PDE10A: variants seen among roughly 807,000 people sequenced by gnomAD.
The protein encoded by PDE10A is cAMP and cAMP-inhibited cGMP 3',5'-cyclic phosphodiesterase 10A.
PDE10A carries 39 observed loss-of-function variants against 97.7 expected under a neutral mutation model. The observed-to-expected ratio is 0.40, with a 90% confidence interval of 0.31 to 0.52. The LOEUF is 0.52. Ranked by LOEUF, PDE10A falls within the 20% of genes least tolerant of loss-of-function variation. PDE10A has a pLI of 0.56. For missense variants in PDE10A, 731 were observed against 1,047.8 expected (o/e 0.70, Z 4.17); for synonymous variants, 371 against 376.8 (o/e 0.98, Z 0.18).
intron 1 of PDE10A, among the ~76,000 whole-genome samples, chr6:165,872,023 G>A (rs999891265): frequency 3.3e-5 from 5 of 152,088 alleles, no homozygotes; most frequent in African/African-American, 9.7e-5. Flanking sequence ...TGTCAGAAGC[G>A]TTGCCTTGTT....
intron 1 of PDE10A, among the ~76,000 whole-genome samples, chr6:165,894,883 G>T (rs1781904128): frequency 6.6e-6 from 1 of 152,170 alleles, no homozygotes; most frequent in African/African-American, 2.4e-5. Flanking sequence ...CTCTCAACCT[G>T]GGGTAAGTAT....
At chr6:165,656,811 T>G (rs138718925) in intron 1 of PDE10A, among the ~76,000 whole-genome samples, 374 of 152,312 alleles carry the variant, frequency 2.5e-3, no homozygotes, top group African/African-American at 8.7e-3. Flanking sequence ...TCTCACTGTC[T>G]GCAGAGCGCC....
intron 1 of PDE10A, among the ~76,000 whole-genome samples, chr6:165,751,360 C>T (rs965666979): frequency 3.3e-5 from 5 of 152,158 alleles, no homozygotes; most frequent in East Asian, 3.9e-4. Context: ...TCCAGGAGAG[C>T]GTATCTGTGT....
chr6:165,706,158 GGAAAAAGAT>G (rs916708022), intron 1 of PDE10A, among the ~76,000 whole-genome samples: 25 of 152,186 alleles, frequency 1.6e-4, no homozygotes, highest in Non-Finnish European at 1.5e-5. Context: ...TTGCAGTGCG[GGAAAAAGAT>G]GATCTGAGAG....
intron 10 of PDE10A, among the ~76,000 whole-genome samples, chr6:165,424,017 C>T (rs1251029745): frequency 6.6e-6 from 1 of 152,116 alleles, no homozygotes; most frequent in Non-Finnish European, 1.5e-5. Flanking sequence ...GCTTACAAGC[C>T]TTAATTAAAA....
Position 165,430,112 on chromosome 6 carries a change from G to A in PDE10A, c.1601+175C>T, listed in dbSNP as rs138103815. ...TGCAATCCTTCACTTTAGAGTGAAC[G>A]TGAATGAGAATATAACTCTACAATC... On this transcript the variant is annotated intron_variant, in intron 9 of 21. Coordinates refer to ENST00000539869, the MANE Select transcript of PDE10A (RefSeq NM_001385079.1). Among the ~76,000 whole-genome samples the A allele has an allele frequency of 5.3e-3, 806 of 152,090 alleles. 4 individuals carry two copies. The highest frequency in any genetic ancestry group is 0.018 in the African/African-American group (763 of 41,488).
In PDE10A at chr6:165,974,859, C is replaced by T. The variant is rs78983730; in HGVS notation, c.-615+12670G>A. 5.4e-4 allele frequency among the ~76,000 whole-genome samples: 83 copies of T among 152,326 alleles called. 3 individuals carry two copies. The East Asian group carries it at 0.015, about 28-fold the overall frequency. ...GGCAGGAGGAACAGAGGGTGACTGT[C>T]GTGCCTCTCTGCACAGTTTTCTCTT... is the stretch of plus-strand genomic sequence containing the variant. On this transcript the variant is annotated intron_variant, in intron 1 of 19. Transcript: ENST00000366882.
Position 165,640,252 on chromosome 6 carries a change from A to T in PDE10A, c.865+21695T>A, listed in dbSNP as rs556118443. On this transcript the variant is annotated intron_variant, in intron 1 of 21. Coordinates refer to ENST00000539869, the MANE Select transcript of PDE10A (RefSeq NM_001385079.1). ...GTTTCTATTTACCAGTGTTTTAAAA[A>T]TTTTTTAAAAATTGCCTGCCTTTCT... Among the ~76,000 whole-genome samples the T allele has an allele frequency of 8.5e-5, 13 of 152,204 alleles. No homozygotes were observed. The East Asian group carries it at 2.3e-3, about 27-fold the overall frequency.
At chr6:165,495,609 T>C (rs763914404) in intron 2 of PDE10A, among the ~76,000 whole-genome samples, 9 of 152,184 alleles carry the variant, frequency 5.9e-5, no homozygotes, top group Non-Finnish European at 1.2e-4. Context: ...AATTAATACA[T>C]TGTTATTTAA....
chr6:165,829,448 G>T (rs576799064), intron 1 of PDE10A, among the ~76,000 whole-genome samples: 1 of 152,340 alleles, frequency 6.6e-6, no homozygotes, highest in South Asian at 2.1e-4. Context: ...AACCTTAATT[G>T]GTTCCAGCAG....
chr6:165,386,136 T>A (rs2128211386), intron 17 of PDE10A, among the ~76,000 whole-genome samples: 1 of 152,232 alleles, frequency 6.6e-6, no homozygotes, highest in Non-Finnish European at 1.5e-5. Flanking sequence ...CCTTAAGTAA[T>A]CTGCAAGCCC....
At chr6:165,929,720 G>A (rs139514369) in intron 1 of PDE10A, among the ~76,000 whole-genome samples, 6 of 152,316 alleles carry the variant, frequency 3.9e-5, no homozygotes, top group African/African-American at 7.2e-5. Flanking sequence ...CCATGACCGC[G>A]TCCCCACAAG....
At chr6:165,595,267 C>T (rs1238874985) in intron 1 of PDE10A, among the ~76,000 whole-genome samples, 4 of 152,188 alleles carry the variant, frequency 2.6e-5, no homozygotes, top group Admixed American at 2.6e-4. Flanking sequence ...GTCAAACTAA[C>T]CTGCCACCTG....
chr6:165,540,586 G>C (rs1287229889), intron 2 of PDE10A, among the ~76,000 whole-genome samples: 5 of 152,100 alleles, frequency 3.3e-5, no homozygotes, highest in Non-Finnish European at 7.4e-5. Context: ...TCCTCAAAAA[G>C]TTTTCGGTGA....
At chr6:165,604,860 C>T (rs151319362) in intron 1 of PDE10A, among the ~76,000 whole-genome samples, 2 of 152,282 alleles carry the variant, frequency 1.3e-5, no homozygotes, top group Admixed American at 1.3e-4. Flanking sequence ...AATTTCTTAG[C>T]TTACTTTGAA....
At chr6:165,826,484 C>CATCCCTCTGTCCGT (rs1554328571) in intron 1 of PDE10A, among the ~76,000 whole-genome samples, 2 of 150,252 alleles carry the variant, frequency 1.3e-5, no homozygotes, top group African/African-American at 2.5e-5. Context: ...CCTGTCCCCA[C>CATCCCTCTGTCCGT]GTCCCTCTGT....
At chr6:165,801,341 T>C (rs974058373) in intron 1 of PDE10A, among the ~76,000 whole-genome samples, 1 of 152,182 alleles carries the variant, frequency 6.6e-6, no homozygotes, top group African/African-American at 2.4e-5. Flanking sequence ...GGACAGGAGT[T>C]TGAGACCAGC....
intron 1 of PDE10A, among the ~76,000 whole-genome samples, chr6:165,841,062 A>C (rs1309327436): frequency 2.0e-5 from 3 of 152,274 alleles, no homozygotes; most frequent in African/African-American, 7.2e-5. Context: ...AGCTCTCAGC[A>C]TGGTACTTTG....
chr6:165,956,793 C>G (rs1784146506), intron 1 of PDE10A, among the ~76,000 whole-genome samples: 1 of 152,208 alleles, frequency 6.6e-6, no homozygotes, highest in South Asian at 2.1e-4. Context: ...GAATCCGAAT[C>G]ATGTCATAGA....
Sources: gnomAD v4.1 joint callset for allele counts (sites outside exome capture counted in the v4.1 genomes callset) on GRCh38, gnomAD v4.1.1 for gene constraint, MANE v1.5 for transcripts, NCBI Gene and HGNC (gene_info 2026-07-23, HGNC 2026-07-21) for gene names.